The following NBAS variants were observed in gnomAD, a reference collection of about 807,000 sequenced individuals.
NBAS encodes NAG/BC035112 fusion.
A neutral mutation model predicts 302.5 loss-of-function variants in NBAS; 219 were observed. The observed-to-expected ratio is 0.72, with a 90% CI of 0.65 to 0.81. The LOEUF is 0.81. NBAS is among the 30% of genes least tolerant of loss of function. The pLI is 0.00. For synonymous variants in NBAS, 1,118 were observed against 1,021.6 expected (o/e 1.09, Z -1.80); for missense variants, 2,932 against 2,841.6 (o/e 1.03, Z -0.72).
the NBAS span, among the ~76,000 whole-genome samples, chr2:14,987,639 A>C: frequency 6.6e-6 from 1 of 152,090 alleles, no homozygotes; most frequent in Non-Finnish European, 1.5e-5. Flanking sequence ...AGGAAGCACT[A>C]ATACTCATAG....
chr2:15,520,279 G>C (rs895567885), intron 9 of NBAS, among the ~76,000 whole-genome samples: 2 of 152,108 alleles, frequency 1.3e-5, no homozygotes, highest in Non-Finnish European at 2.9e-5. Flanking sequence ...ACATGTGCCT[G>C]TAGTCCCAGT....
chr2:15,302,216 T>C (rs1226511595), intron 40 of NBAS, among the ~76,000 whole-genome samples: 1 of 152,178 alleles, frequency 6.6e-6, no homozygotes, highest in Non-Finnish European at 1.5e-5. Context: ...CTTTGCATCT[T>C]GATAGGAAAA....
chr2:14,994,578 T>C, the NBAS span, among the ~76,000 whole-genome samples: 2 of 152,306 alleles, frequency 1.3e-5, no homozygotes, highest in Middle Eastern at 3.4e-3. Flanking sequence ...GATTCTCTTC[T>C]AACAAGGTTC....
At chr2:15,474,846 C>T (rs1385717098) in intron 14 of NBAS, among the ~76,000 whole-genome samples, 1 of 152,104 alleles carries the variant, frequency 6.6e-6, no homozygotes, top group Non-Finnish European at 1.5e-5. Flanking sequence ...GAGGTGTGAG[C>T]CACTGAGCCC....
chr2:15,007,033 T>C, the NBAS span, among the ~76,000 whole-genome samples: 2 of 152,322 alleles, frequency 1.3e-5, no homozygotes, highest in Admixed American at 1.3e-4. Context: ...AAGGTAGACA[T>C]TAAGTCAGGA....
the NBAS span, among the ~76,000 whole-genome samples, chr2:15,138,160 G>A: frequency 6.6e-6 from 1 of 152,182 alleles, no homozygotes; most frequent in Admixed American, 6.5e-5. Context: ...GCTGAGAGCA[G>A]AGGATGGGAA....
chr2:15,526,843 T>C (rs1367670330), intron 9 of NBAS, among the ~76,000 whole-genome samples: 7 of 152,002 alleles, frequency 4.6e-5, no homozygotes, highest in Non-Finnish European at 7.4e-5. Flanking sequence ...AAATCCTGAA[T>C]CAAAAAGTAA....
At chr2:14,959,211 T>C in the NBAS span, among the ~76,000 whole-genome samples, 1 of 152,196 alleles carries the variant, frequency 6.6e-6, no homozygotes, top group Non-Finnish European at 1.5e-5. Flanking sequence ...GCAATTCCTA[T>C]CTGCTCATAC....
the NBAS span, among the ~76,000 whole-genome samples, chr2:14,909,933 T>C: frequency 2.0e-5 from 3 of 152,222 alleles, 1 homozygote; most frequent in South Asian, 6.2e-4. Context: ...TTGATGCTCT[T>C]GGGCTCTGTC....
At chr2:15,531,604 G>A (rs1663218297) in intron 9 of NBAS, among the ~76,000 whole-genome samples, 1 of 152,104 alleles carries the variant, frequency 6.6e-6, no homozygotes, top group Non-Finnish European at 1.5e-5. Context: ...TATAGCATAC[G>A]AGGCCCTGCA....
chr2:15,551,584 T>C (rs1189858481), intron 5 of NBAS, 48 bp from the exon 6 acceptor site: 3 of 1,444,446 alleles, frequency 2.1e-6, no homozygotes, highest in South Asian at 1.2e-5. Context: ...TAACACTGTA[T>C]AGAACCATAA....
At chr2:15,489,217 C>T (rs1680756357) in intron 11 of NBAS, among the ~76,000 whole-genome samples, 195 bp from the exon 12 acceptor site, 1 of 152,108 alleles carries the variant, frequency 6.6e-6, no homozygotes, top group Non-Finnish European at 1.5e-5. Flanking sequence ...TTGTTACCTA[C>T]TTCAGAGTTA....
chr2:15,055,693 TG>T, the NBAS span, among the ~76,000 whole-genome samples: 1 of 152,026 alleles, frequency 6.6e-6, no homozygotes, highest in Non-Finnish European at 1.5e-5. Flanking sequence ...ATGGCAAGGA[TG>T]GGAGGTTGTT....
chr2:15,232,617 T>G, intron 46 of NBAS, 106 bp from the exon 47 acceptor site: 5 of 915,796 alleles, frequency 5.5e-6, no homozygotes, highest in Non-Finnish European at 6.9e-6. Flanking sequence ...TGGCACAGTA[T>G]ACTGCCTGCC....
the NBAS span, among the ~76,000 whole-genome samples, chr2:14,883,367 T>C: frequency 1.2e-4 from 19 of 152,226 alleles, no homozygotes; most frequent in African/African-American, 3.4e-4. Context: ...ACCTGAATAA[T>C]ATATCTCAAA....
chr2:14,802,702 T>G, the NBAS span, among the ~76,000 whole-genome samples: 25 of 149,304 alleles, frequency 1.7e-4, no homozygotes, highest in Admixed American at 5.4e-4. Context: ...TGGAATACTA[T>G]GCAGCCATAA....
intron 51 of NBAS, among the ~76,000 whole-genome samples, chr2:15,173,706 A>T (rs1664402622): frequency 1.3e-5 from 2 of 152,146 alleles, no homozygotes; most frequent in Admixed American, 6.5e-5. Flanking sequence ...TCTGCTCACG[A>T]TCTCACAACG....
downstream of NBAS, among the ~76,000 whole-genome samples, chr2:15,164,178 TCA>T (rs1163192897): frequency 1.3e-5 from 2 of 152,280 alleles, no homozygotes; most frequent in African/African-American, 4.8e-5. Flanking sequence ...TTAGAAAAAG[TCA>T]CAGACATTTC....
chr2:15,242,289 A>G (rs1667900382), intron 44 of NBAS, among the ~76,000 whole-genome samples: 2 of 152,234 alleles, frequency 1.3e-5, no homozygotes, highest in South Asian at 4.1e-4. Flanking sequence ...ATCCTTCAAG[A>G]GAACTAAATA....
Sources: gnomAD v4.1 joint callset for allele counts (sites outside exome capture counted in the v4.1 genomes callset) on GRCh38, gnomAD v4.1.1 for gene constraint, MANE v1.5 for transcripts, NCBI Gene and HGNC (gene_info 2026-07-23, HGNC 2026-07-21) for gene names.